Variants in NRXN1 observed in about 807,000 individuals in gnomAD.
The protein encoded by NRXN1 is neurexin 1, also known as neurexin-1.
A neutral mutation model predicts 150.9 loss-of-function variants in NRXN1; 39 were observed. The ratio of observed to expected loss-of-function variants is 0.26; its 90% CI spans 0.20 to 0.34. The LOEUF is 0.34. NRXN1 is among the 10% of genes least tolerant of loss of function. The probability of loss-of-function intolerance (pLI) is 1.00; values close to 1 mark genes in which losing one functional copy is unlikely to be tolerated. For missense variants in NRXN1, 1,815 were observed against 1,949.9 expected, an observed-to-expected ratio of 0.93 and a Z score of 1.30; for synonymous variants, 924 against 757.0, an observed-to-expected ratio of 1.22 and a Z score of -3.62.
At chr2:50,695,428 G>C (rs1177597313) in intron 5 of NRXN1, among the ~76,000 whole-genome samples, 1 of 152,124 alleles carries the variant, frequency 6.6e-6, no homozygotes, top group Non-Finnish European at 1.5e-5. Context: ...ATATGCTCCA[G>C]GTAGCCCTGC....
At chr2:50,999,435 A>C (rs559455201) in intron 2 of NRXN1, among the ~76,000 whole-genome samples, 1 of 151,958 alleles carries the variant, frequency 6.6e-6, no homozygotes, top group Non-Finnish European at 1.5e-5. Context: ...GAGGAGTAAA[A>C]GGGAAAAGGA....
intron 5 of NRXN1, among the ~76,000 whole-genome samples, chr2:50,803,044 G>C (rs1707836498): frequency 6.6e-6 from 1 of 152,090 alleles, no homozygotes; most frequent in Non-Finnish European, 1.5e-5. Context: ...GGTACTTTTT[G>C]TGGTAGCCCT....
chr2:50,516,440 G>T (rs957553728), intron 12 of NRXN1, among the ~76,000 whole-genome samples: 1 of 152,108 alleles, frequency 6.6e-6, no homozygotes, highest in Non-Finnish European at 1.5e-5. Context: ...AGACAAGGCT[G>T]GAGGCAAAAT....
chr2:50,189,591 T>C (rs2061324412), intron 18 of NRXN1, among the ~76,000 whole-genome samples: 1 of 152,122 alleles, frequency 6.6e-6, no homozygotes, highest in Non-Finnish European at 1.5e-5. Context: ...TGTAAGGCCA[T>C]AGCAAAATAA....
chr2:50,481,989 C>G (rs1405110358), intron 15 of NRXN1, among the ~76,000 whole-genome samples: 12 of 149,264 alleles, frequency 8.0e-5, no homozygotes, highest in African/African-American at 3.1e-4. Flanking sequence ...GGGATGGTCT[C>G]GATCTCCTGA....
intron 5 of NRXN1, among the ~76,000 whole-genome samples, chr2:50,655,745 C>T (rs1686358587): frequency 6.6e-6 from 1 of 151,756 alleles, no homozygotes; most frequent in Non-Finnish European, 1.5e-5. Context: ...CACTGGCCTA[C>T]CCACCACATA....
intron 5 of NRXN1, among the ~76,000 whole-genome samples, chr2:50,633,637 A>G (rs1345531200): frequency 6.6e-6 from 1 of 152,084 alleles, no homozygotes; most frequent in African/African-American, 2.4e-5. Context: ...ACCATTCTTC[A>G]CAGTAGGAGC....
At chr2:50,555,853 T>C (rs529567047) in intron 8 of NRXN1, among the ~76,000 whole-genome samples, 9 of 152,296 alleles carry the variant, frequency 5.9e-5, no homozygotes, top group Non-Finnish European at 1.0e-4. Flanking sequence ...GGCCCATGCA[T>C]TGGGAAATTT....
At chr2:50,659,061 G>C (rs1030080918) in intron 5 of NRXN1, among the ~76,000 whole-genome samples, 4 of 152,006 alleles carry the variant, frequency 2.6e-5, no homozygotes, top group Admixed American at 6.6e-5. Context: ...TCTGCCCTCT[G>C]GCCCTTTTTC....
At chr2:50,206,803 C>T (rs1198409559) in intron 18 of NRXN1, among the ~76,000 whole-genome samples, 1 of 150,156 alleles carries the variant, frequency 6.7e-6, no homozygotes, top group African/African-American at 2.4e-5. Context: ...ATTACATATG[C>T]AAATGTAATA....
intron 17 of NRXN1, among the ~76,000 whole-genome samples, chr2:50,389,555 C>G (rs781728893): frequency 2.0e-5 from 3 of 151,934 alleles, no homozygotes; most frequent in Non-Finnish European, 4.4e-5. Flanking sequence ...TGTCTTTTCT[C>G]TCTTCTCTTA....
At chr2:49,948,699 G>C (rs1007682497) in intron 21 of NRXN1, among the ~76,000 whole-genome samples, 3 of 151,950 alleles carry the variant, frequency 2.0e-5, no homozygotes, top group South Asian at 2.1e-4. Context: ...CACTGTGTTT[G>C]GAGCTGCTGC....
At chr2:51,023,874 T>C (rs1054349638) in intron 2 of NRXN1, among the ~76,000 whole-genome samples, 6 of 152,172 alleles carry the variant, frequency 3.9e-5, no homozygotes, top group African/African-American at 1.4e-4. Flanking sequence ...ACATGTATCA[T>C]ACTGACATGT....
chr2:50,146,021 A>G (rs1223132519), intron 18 of NRXN1, among the ~76,000 whole-genome samples: 6 of 151,684 alleles, frequency 4.0e-5, no homozygotes, highest in African/African-American at 1.2e-4. Flanking sequence ...GGGAAATTGG[A>G]AGAATAATAT....
At chr2:50,276,958 C>A (rs557118536) in intron 17 of NRXN1, among the ~76,000 whole-genome samples, 14 of 152,258 alleles carry the variant, frequency 9.2e-5, no homozygotes, top group African/African-American at 3.1e-4. Context: ...TTGACTAGGG[C>A]TCTCATTTCA....
intron 17 of NRXN1, among the ~76,000 whole-genome samples, chr2:50,241,640 C>G (rs1307455836): frequency 6.6e-6 from 1 of 151,776 alleles, no homozygotes; most frequent in Non-Finnish European, 1.5e-5. Context: ...TTAGCAATGT[C>G]AACATACTTT....
intron 17 of NRXN1, among the ~76,000 whole-genome samples, chr2:50,313,931 T>C (rs960525745): frequency 4.6e-5 from 7 of 152,084 alleles, no homozygotes; most frequent in African/African-American, 1.7e-4. Context: ...TATATTAGCA[T>C]ATAAGCACAG....
chr2:50,785,243 CTT>C lies in NRXN1; in HGVS notation c.832+136624_832+136625del, dbSNP rs35158893. Among the ~76,000 whole-genome samples the C allele has an allele frequency of 6.8e-3, 723 of 106,004 alleles. 1 individual carries two copies. The highest frequency in any genetic ancestry group is 0.015 in the Middle Eastern group (2 of 134). The allele number at this position is 106,004 out of a possible 152,430, so 69.5% of individuals were successfully genotyped here. On this transcript the variant is annotated intron_variant, in intron 5 of 22. Transcript: ENST00000401669. Reference sequence around the variant, plus strand: ...CCCTCTAGAACTCTGAGAAAATACACTTTTTTTTTTTTTTTTTTTTTTTGAGA... The same window carrying C: ...CCCTCTAGAACTCTGAGAAAATACACTTTTTTTTTTTTTTTTTTTTTGAGA...
At chr2:50,971,439 C>G (rs952783201) in intron 2 of NRXN1, among the ~76,000 whole-genome samples, 3 of 151,944 alleles carry the variant, frequency 2.0e-5, no homozygotes, top group African/African-American at 7.2e-5. Flanking sequence ...AAAAATTAGC[C>G]TGGTGTGCTG....
Sources: allele counts gnomAD v4.1 joint callset (sites outside exome capture counted in the v4.1 genomes callset), GRCh38; gene constraint gnomAD v4.1.1; transcripts MANE v1.5; gene names NCBI Gene and HGNC (gene_info 2026-07-23, HGNC 2026-07-21).